The following EPHA6 variants were observed in gnomAD, a reference collection of about 807,000 sequenced individuals.
EPHA6 encodes the protein ephrin type-A receptor 6.
A neutral mutation model predicts 112.0 loss-of-function variants in EPHA6; 50 were observed. That is an observed-to-expected ratio of 0.45 (90% CI 0.36 to 0.56). EPHA6 has a LOEUF of 0.56. Among genes scored for constraint, EPHA6 ranks in the 20% least tolerant of loss-of-function variants. The pLI is 0.00. For synonymous variants in EPHA6, 529 were observed against 490.7 expected (o/e 1.08, Z -1.03); for missense variants, 1,280 against 1,417.4 (o/e 0.90, Z 1.56).
chr3:97,038,711 G>A (rs935260165), intron 3 of EPHA6, among the ~76,000 whole-genome samples: 7 of 151,958 alleles, frequency 4.6e-5, no homozygotes, highest in Non-Finnish European at 1.0e-4. Flanking sequence ...GTGTAGGCAG[G>A]GACCAGACTC....
chr3:97,439,383 C>T (rs907036026), intron 6 of EPHA6, among the ~76,000 whole-genome samples: 3 of 152,234 alleles, frequency 2.0e-5, no homozygotes, highest in Middle Eastern at 3.4e-3. Flanking sequence ...TGCAATTTTG[C>T]CACAACAGTG....
intron 6 of EPHA6, chr3:97,439,545 G>T: frequency 1.3e-6 from 1 of 752,506 alleles, no homozygotes; most frequent in Non-Finnish European, 1.6e-6. Flanking sequence ...CAACTCTGTT[G>T]GTTGCCAACA....
At chr3:96,945,938 G>C (rs144514534) in intron 2 of EPHA6, among the ~76,000 whole-genome samples, 2 of 152,106 alleles carry the variant, frequency 1.3e-5, no homozygotes, top group South Asian at 4.1e-4. Context: ...TACCATTATA[G>C]TATCATACAC....
At chr3:97,634,311 A>G (rs905463269) in intron 13 of EPHA6, among the ~76,000 whole-genome samples, 20 of 152,074 alleles carry the variant, frequency 1.3e-4, no homozygotes, top group African/African-American at 4.8e-4. Context: ...TTTTTCTCCT[A>G]TAATAATGTG....
At chr3:96,977,881 G>T (rs1166285423) in intron 2 of EPHA6, among the ~76,000 whole-genome samples, 1 of 152,124 alleles carries the variant, frequency 6.6e-6, no homozygotes, top group Non-Finnish European at 1.5e-5. Flanking sequence ...AATCATAGCT[G>T]GGCATGCTGC....
intron 14 of EPHA6, among the ~76,000 whole-genome samples, chr3:97,672,003 T>C (rs2030893383): frequency 6.6e-6 from 1 of 152,164 alleles, no homozygotes. Flanking sequence ...ACACTATACA[T>C]TCCTGGATTG....
intron 3 of EPHA6, among the ~76,000 whole-genome samples, chr3:97,182,441 C>A (rs564231861): frequency 6.6e-6 from 1 of 151,366 alleles, no homozygotes; most frequent in Non-Finnish European, 1.5e-5. Flanking sequence ...AAGAAATGCA[C>A]GGAATTTTTA....
At chr3:97,426,849 G>A (rs2089163668) in intron 6 of EPHA6, among the ~76,000 whole-genome samples, 1 of 152,060 alleles carries the variant, frequency 6.6e-6, no homozygotes, top group Non-Finnish European at 1.5e-5. Flanking sequence ...AAATTAACAG[G>A]CGAAAGGCAG....
chr3:97,631,629 A>G (rs2093903392), intron 13 of EPHA6, among the ~76,000 whole-genome samples: 1 of 152,022 alleles, frequency 6.6e-6, no homozygotes, highest in Non-Finnish European at 1.5e-5. Context: ...GTATTTATTG[A>G]ACCAGATTTG....
At chr3:97,147,328 C>T (rs1265203085) in intron 3 of EPHA6, among the ~76,000 whole-genome samples, 1 of 152,064 alleles carries the variant, frequency 6.6e-6, no homozygotes, top group Non-Finnish European at 1.5e-5. Flanking sequence ...ATGTCTCAGA[C>T]ATTAACCCCC....
At chr3:96,847,907 A>G (rs1021217832) in intron 1 of EPHA6, among the ~76,000 whole-genome samples, 12 of 152,110 alleles carry the variant, frequency 7.9e-5, no homozygotes, top group Admixed American at 2.6e-4. Flanking sequence ...TCATTGTATC[A>G]AAAGCCAATG....
intron 11 of EPHA6, among the ~76,000 whole-genome samples, chr3:97,549,758 C>T (rs1024959259): frequency 3.3e-5 from 5 of 152,026 alleles, no homozygotes; most frequent in Middle Eastern, 3.4e-3. Context: ...AGCAGTGAGC[C>T]GAGCATCATG....
chr3:97,185,739 T>C (rs2077109593), intron 3 of EPHA6, among the ~76,000 whole-genome samples: 1 of 152,122 alleles, frequency 6.6e-6, no homozygotes, highest in African/African-American at 2.4e-5. Context: ...TTATAAATCA[T>C]GCCGCTATAA....
intron 8 of EPHA6, among the ~76,000 whole-genome samples, chr3:97,475,964 G>T (rs1320604883): frequency 6.6e-6 from 1 of 151,884 alleles, no homozygotes; most frequent in Non-Finnish European, 1.5e-5. Context: ...CATAGCAAAA[G>T]ACCTAAATTT....
At position 97,560,806 on chromosome 3, in the gene EPHA6, C is replaced by T. The variant is rs568135130; in HGVS notation, c.2386+28263C>T. 2.6e-4 allele frequency among the ~76,000 whole-genome samples: 39 copies of T among 152,062 alleles called. No individual in the cohort carries two copies. The East Asian group carries it at 6.9e-3, about 27-fold the overall frequency. ...TCTTTACTGCTCTTCACAGGTATTG[C>T]GTTTTTTACAAACTGAAGGTTTTTG... On this transcript the variant is annotated intron_variant, in intron 11 of 17. Transcript: ENST00000389672.
chr3:97,454,466 T>C (rs1468797817), intron 7 of EPHA6, among the ~76,000 whole-genome samples: 2 of 151,726 alleles, frequency 1.3e-5, no homozygotes, highest in Non-Finnish European at 3.0e-5. Context: ...ATTAAAATAC[T>C]AAAGAATAGT....
intron 11 of EPHA6, among the ~76,000 whole-genome samples, chr3:97,552,880 G>C (rs1045276961): frequency 1.3e-5 from 2 of 151,976 alleles, no homozygotes; most frequent in African/African-American, 4.8e-5. Context: ...TTTCTTCTCT[G>C]AATTGAGCCT....
At chr3:96,971,747 G>A (rs932578634) in intron 2 of EPHA6, among the ~76,000 whole-genome samples, 1 of 152,060 alleles carries the variant, frequency 6.6e-6, no homozygotes, top group African/African-American at 2.4e-5. Flanking sequence ...TAGTTTATTT[G>A]GCTTATGCAA....
chr3:97,407,250 CTAA>C (rs1403494574), intron 6 of EPHA6, among the ~76,000 whole-genome samples: 2 of 151,612 alleles, frequency 1.3e-5, no homozygotes, highest in Non-Finnish European at 2.9e-5. Context: ...TTGTCAAATG[CTAA>C]TGTTTGTGTA....
Sources: gnomAD v4.1 joint callset for allele counts (sites outside exome capture counted in the v4.1 genomes callset) on GRCh38, gnomAD v4.1.1 for gene constraint, MANE v1.5 for transcripts, NCBI Gene and HGNC (gene_info 2026-07-23, HGNC 2026-07-21) for gene names.